Variants in PHRF1 observed in about 807,000 individuals in gnomAD.
PHRF1 encodes PHD and RING finger domain-containing protein 1.
Under a neutral mutation model 128.9 loss-of-function variants are expected in PHRF1, and 53 were observed. The observed-to-expected ratio is 0.41, with a 90% confidence interval of 0.33 to 0.52. PHRF1 has a LOEUF of 0.52. Among genes scored for constraint, PHRF1 ranks in the 20% least tolerant of loss-of-function variants. PHRF1 has a pLI of 0.21. For synonymous variants in PHRF1, 1,178 were observed against 980.6 expected, an observed-to-expected ratio of 1.20 and a Z score of -3.76; for missense variants, 2,503 against 2,284.5, an observed-to-expected ratio of 1.10 and a Z score of -1.95.
chr11:605,363 G>A (rs555760103), intron 11 of PHRF1, 63 bp downstream of exon 11: 24 of 1,581,038 alleles, frequency 1.5e-5, no homozygotes, highest in South Asian at 4.5e-5. Flanking sequence ...CTGTGGGCAC[G>A]GGGCCCCGAG....
At chr11:585,202 T>C (rs1854461374) in intron 3 of PHRF1, among the ~76,000 whole-genome samples, 1 of 152,184 alleles carries the variant, frequency 6.6e-6, no homozygotes, top group African/African-American at 2.4e-5. Flanking sequence ...AAATCACTTG[T>C]TACACTGCCC....
chr11:577,296 G>C (rs12420078), intron 1 of PHRF1, among the ~76,000 whole-genome samples: 5,956 of 152,332 alleles, frequency 0.039, 189 homozygotes, highest in South Asian at 0.1. Flanking sequence ...CTCCTACCAT[G>C]CTCCTTTTGA....
At position 612,099 on chromosome 11, in the gene PHRF1, G is replaced by A; in HGVS notation, c.*322G>A. The A allele has an allele frequency of 1.5e-5, 6 of 387,494 alleles. 1 individual carries two copies. The highest frequency in any genetic ancestry group is 7.0e-4 in the Middle Eastern group (1 of 1,428). The allele number at this position is 387,494 out of a possible 1,614,324, so 24.0% of individuals were successfully genotyped here. A position where few individuals can be genotyped will look rare whatever the true frequency, so the allele number is the denominator to read the frequency against. The stretch of plus-strand genomic sequence containing the variant: ...TTACTACTTGGAAGATAAAGCACTT[G>A]GTGATCAAGAGGGGCTCCTGGTGGG... On this transcript the variant is annotated 3_prime_UTR_variant, in exon 18 of 18. Transcript: ENST00000264555.
intron 6 of PHRF1, among the ~76,000 whole-genome samples, chr11:595,255 G>A (rs867945949): frequency 2.0e-5 from 3 of 152,148 alleles, no homozygotes; most frequent in East Asian, 1.9e-4. Flanking sequence ...CCTGGGAGGC[G>A]GAGGTTGCAG....
intron 4 of PHRF1, among the ~76,000 whole-genome samples, chr11:589,748 G>T (rs73396305): frequency 0.023 from 3,426 of 150,370 alleles, 192 homozygotes; most frequent in African/African-American, 0.082. Flanking sequence ...GTCTGAGAGA[G>T]TGTCTGCAAA....
intron 4 of PHRF1, among the ~76,000 whole-genome samples, chr11:588,130 G>A (rs1369971129): frequency 1.3e-5 from 2 of 152,112 alleles, no homozygotes; most frequent in African/African-American, 2.4e-5. Flanking sequence ...CCAGCAGCCC[G>A]TGCTGTCCCC....
Position 611,750 on chromosome 11 carries a change from G to A in PHRF1, c.4923G>A (p.Glu1641=), listed in dbSNP as rs776159110. ...ACAAGAAACCAGAGGCCGGGGAGGAGCCGCCCACGCAGGGGGCCGAGGGCT... is the reference window on the plus strand; with the variant it reads ...ACAAGAAACCAGAGGCCGGGGAGGAACCGCCCACGCAGGGGGCCGAGGGCT... ...RRHKKPEAGE[E]PPTQGAEG is the part of the protein sequence containing the mutation. Residue 1641 remains glutamate, a synonymous_variant, in exon 18 of 18, where the codon GAG becomes GAA. Transcript: ENST00000264555. The A allele has an allele frequency of 1.2e-6, 2 of 1,610,950 alleles. No individual in the cohort carries two copies. Among genetic ancestry groups the A allele is most frequent in the African/African-American group, 1.3e-5 (1 of 75,046 alleles).
chr11:600,512 A>ATATATATATATATATATATGTATGTATG (rs1437772767), intron 9 of PHRF1, among the ~76,000 whole-genome samples: 6 of 144,530 alleles, frequency 4.2e-5, no homozygotes, highest in African/African-American at 1.6e-4. Flanking sequence ...ATATATATAT[A>ATATATATATATATATATATGTATGTATG]TATATATGGT....
chr11:609,574 C>G lies in PHRF1; in HGVS notation c.4118C>G (p.Ser1373Cys). 1 of 1,598,694 alleles carries G rather than the reference C, an allele frequency of 6.3e-7. No individual in the cohort carries two copies. The highest frequency in any genetic ancestry group is 8.5e-7 in the Non-Finnish European group (1 of 1,174,274). The change falls in exon 14 of 18, where the codon TCT (serine) becomes TGT (cysteine). Residue 1373 changes from serine to cysteine, a missense_variant. Coordinates refer to ENST00000264555, the MANE Select transcript of PHRF1 (RefSeq NM_001286581.2). ...VAPAGKEDSP[S>C]ASGRVQEAAR... ...CCTGCGGGGAAGGAAGACAGCCCCT[C>G]TGCGAGTGGGAGGGTACAGGAGGCA...
chr11:606,708 G>C (rs1855970609), intron 13 of PHRF1, 112 bp downstream of exon 13: 4 of 1,398,368 alleles, frequency 2.9e-6, no homozygotes, highest in Non-Finnish European at 3.8e-6. Context: ...AAGTTGGGGG[G>C]ACCATTCCTC....
chr11:608,668 A>G lies in PHRF1; in HGVS notation c.3212A>G (p.Lys1071Arg), dbSNP rs771845721. The G allele has an allele frequency of 1.9e-6, 3 of 1,612,462 alleles. No individual in the cohort carries two copies. The highest frequency in any genetic ancestry group is 2.2e-5 in the East Asian group (1 of 44,880). ...SRERAKRKKAKDKSREHRRGP... is the reference protein window; with the variant it reads ...SRERAKRKKARDKSREHRRGP... ...GAGCGAGCTAAGAGGAAGAAAGCCA[A>G]GGACAAGAGCAGGGAGCACAGGCGG... Residue 1071 changes from lysine (K) to arginine (R), a missense_variant, in exon 14 of 18, where the codon AAG becomes AGG. By Grantham distance (26) the Lys-to-Arg change is conservative. Coordinates refer to ENST00000264555, the MANE Select transcript of PHRF1 (RefSeq NM_001286581.2).
In PHRF1 at chr11:607,670, C is replaced by T; in HGVS notation, c.2214C>T (p.Pro738=). 6.2e-7 allele frequency: 1 copy of T among 1,610,154 alleles called. No homozygotes were observed. Among genetic ancestry groups the T allele is most frequent in the Non-Finnish European group, 8.5e-7 (1 of 1,178,284 alleles). Residue 738 remains proline (P), a synonymous_variant, in exon 14 of 18, where the codon CCC becomes CCT. Coordinates refer to ENST00000264555, the MANE Select transcript of PHRF1 (RefSeq NM_001286581.2). Reference sequence around the variant, plus strand: ...AGAGCGAGGCCAGCAGCAGGGTGCCCCGGGAGCCCGGGGTGCACACGGGCA... The same window carrying T: ...AGAGCGAGGCCAGCAGCAGGGTGCCTCGGGAGCCCGGGGTGCACACGGGCA... The part of the protein sequence containing the change: ...RAESEASSRV[P]REPGVHTGSS...
At chr11:601,428 C>CAAAAA (rs59861558) in intron 9 of PHRF1, 146 bp from the exon 10 acceptor site, 14 of 875,576 alleles carry the variant, frequency 1.6e-5, no homozygotes, top group East Asian at 6.0e-5. Flanking sequence ...GATCCTGTCT[C>CAAAAA]AAAAAAAAAA....
At chr11:609,851 C>T (rs1031976106) in intron 14 of PHRF1, 131 bp downstream of exon 14, 7 of 639,878 alleles carry the variant, frequency 1.1e-5, no homozygotes, top group Non-Finnish European at 1.8e-5. Flanking sequence ...GTGAGTAGGG[C>T]CCTGGCCTCC....
chr11:599,793 C>T (rs1236106305), intron 9 of PHRF1, among the ~76,000 whole-genome samples: 1 of 151,752 alleles, frequency 6.6e-6, no homozygotes, highest in African/African-American at 2.4e-5. Flanking sequence ...GACTCGGCGT[C>T]TGTGGGTCTG....
At chr11:604,222 G>A (rs932934862) in intron 10 of PHRF1, among the ~76,000 whole-genome samples, 1 of 152,180 alleles carries the variant, frequency 6.6e-6, no homozygotes, top group African/African-American at 2.4e-5. Context: ...ACTCCTGGGC[G>A]TCGTCCTGAG....
chr11:596,165 C>G (rs1212519511), intron 6 of PHRF1, among the ~76,000 whole-genome samples: 2 of 152,274 alleles, frequency 1.3e-5, no homozygotes, highest in African/African-American at 4.8e-5. Context: ...ACTCCCTTCC[C>G]TTGATTGTTT....
Position 597,862 on chromosome 11 carries a change from C to T in PHRF1, c.894+292C>T, listed in dbSNP as rs969960487. ...CCCCCTTGTTCCCCAGGCCCCATGC[C>T]AGCACCGCTCCCTCTAGGCACCTGT... On this transcript the variant is annotated intron_variant, in intron 8 of 17. Transcript: ENST00000264555. The surrounding 1 kb of genome is among the most constrained non-coding windows in gnomAD (Gnocchi z 6.5). Among the ~76,000 whole-genome samples the T allele has an allele frequency of 1.3e-5, 2 of 152,166 alleles. No homozygotes were observed. The highest frequency in any genetic ancestry group is 2.9e-5 in the Non-Finnish European group (2 of 68,002).
chr11:597,542 A>T lies in PHRF1; in HGVS notation c.866A>T (p.Asn289Ile), dbSNP rs1279721147. ...AGAGTGAGAGCAACCGTGAACCGGA[A>T]CCGGATCTCCACGGCCAGGAGGGTC... ...SERVRATVNR[N>I]RISTARRVQH... Residue 289 changes from asparagine to isoleucine, a missense_variant, in exon 8 of 18, where the codon AAC (asparagine) becomes ATC (isoleucine). By Grantham distance (149) the Asn-to-Ile change is moderately radical. Coordinates refer to ENST00000264555, the MANE Select transcript of PHRF1 (RefSeq NM_001286581.2). The surrounding 1 kb of genome is among the most constrained non-coding windows in gnomAD (Gnocchi z 6.5). 7 of 1,609,874 alleles carry T rather than the reference A, an allele frequency of 4.3e-6. No homozygotes were observed. The Middle Eastern group carries it at 6.6e-4, about 152-fold the overall frequency.
Sources: gnomAD v4.1 joint callset for allele counts (sites outside exome capture counted in the v4.1 genomes callset) on GRCh38, gnomAD v4.1.1 for gene constraint, Gnocchi (gnomAD v3.1) non-coding constraint, MANE v1.5 for transcripts, NCBI Gene and HGNC (gene_info 2026-07-23, HGNC 2026-07-21) for gene names.